PIEZO1: variants seen among roughly 807,000 people sequenced by gnomAD.
PIEZO1 encodes piezo-type mechanosensitive ion channel component 1.
Under a neutral mutation model 297.2 loss-of-function variants are expected in PIEZO1, and 296 were observed. That is an observed-to-expected ratio of 1.00 (90% confidence interval 0.91 to 1.10). The LOEUF is 1.10. Ranked by LOEUF, PIEZO1 falls within the 50% of genes least tolerant of loss-of-function variation. PIEZO1 has a pLI of 0.00. For synonymous variants in PIEZO1, 2,427 were observed against 1,507.5 expected (o/e 1.61, Z -14.13); for missense variants, 5,018 against 3,455.5 (o/e 1.45, Z -11.34).
chr16:88,756,218 G>A (rs866106166), intron 1 of PIEZO1, among the ~76,000 whole-genome samples: 3 of 152,176 alleles, frequency 2.0e-5, no homozygotes, highest in South Asian at 2.1e-4. Flanking sequence ...TGTGCAGGAC[G>A]CCCACACCCA....
rs545282831 is a variant in PIEZO1 at position 88,723,302 on chromosome 16, G to A, written c.4362C>T (p.Asn1454=). 2.7e-5 allele frequency: 42 copies of A among 1,539,526 alleles called. No individual in the cohort carries two copies. The highest frequency in any genetic ancestry group is 5.5e-5 in the African/African-American group (4 of 73,042). Residue 1454 remains asparagine, a synonymous_variant, in exon 32 of 51, where the codon AAC becomes AAT. Coordinates refer to ENST00000301015, the MANE Select transcript of PIEZO1 (RefSeq NM_001142864.4). The part of the protein sequence containing the change: ...FQLAYQAWVT[N]AQAVLRRRQQ... Reference sequence around the variant, plus strand: ...GCCGCCGCCTCAGCACCGCCTGGGCGTTGGTCACCCATGCCTGGTACGCCA... The same window carrying A: ...GCCGCCGCCTCAGCACCGCCTGGGCATTGGTCACCCATGCCTGGTACGCCA...
Position 88,734,529 on chromosome 16 carries a change from G to A in PIEZO1, c.2007C>T (p.Asp669=), listed in dbSNP as rs891274876. The A allele has an allele frequency of 3.9e-6, 6 of 1,543,306 alleles. No homozygotes were observed. The highest frequency in any genetic ancestry group is 5.2e-6 in the Non-Finnish European group (6 of 1,142,870). The change falls in exon 16 of 51, where the codon GAC becomes GAT. Residue 669 remains aspartate, a synonymous_variant. Coordinates refer to ENST00000301015, the MANE Select transcript of PIEZO1 (RefSeq NM_001142864.4). ...LTGFTDEQLG[D]LGLEQFSVSE... ...ACACGCTGAACTGCTCCAGGCCCAG[G>A]TCCCCCAGCCTGTGGAGGGGCAGCA...
In PIEZO1 at chr16:88,749,384, C is replaced by T. The variant is rs1906263049; in HGVS notation, c.160G>A (p.Gly54Ser). The T allele has an allele frequency of 6.7e-7, 1 of 1,497,822 alleles. No homozygotes were observed. The highest frequency in any genetic ancestry group is 8.8e-7 in the Non-Finnish European group (1 of 1,131,386). The allele number at this position is 1,497,822 out of a possible 1,614,324, so 92.8% of individuals were successfully genotyped here. The stretch of plus-strand genomic sequence containing the variant: ...CGTGGGCAGGGTCCCCTGGCCTTAC[C>T]TTGGAGGCCGCATCGGGTGGGGCCG... The part of the protein sequence containing the change: ...FPGPTRCGLQ[G>S]HTGRLLRALL... The change falls in exon 2 of 51, where the codon GGT becomes AGT. Residue 54 changes from glycine (G) to serine (S), a missense_variant and splice_region_variant. Coordinates refer to ENST00000301015, the MANE Select transcript of PIEZO1 (RefSeq NM_001142864.4).
chr16:88,763,540 G>C (rs944226011), intron 1 of PIEZO1, among the ~76,000 whole-genome samples: 8 of 152,188 alleles, frequency 5.3e-5, no homozygotes, highest in African/African-American at 7.2e-5. Flanking sequence ...AAACAGAACA[G>C]AACAGGAAGG....
intron 1 of PIEZO1, among the ~76,000 whole-genome samples, chr16:88,752,297 A>T (rs1446184751): frequency 6.6e-6 from 1 of 152,298 alleles, no homozygotes; most frequent in East Asian, 1.9e-4. Context: ...AGACCAGGCA[A>T]CACAGAGACC....
At position 88,715,655 on chromosome 16, in the gene PIEZO1, G is replaced by A. The variant is rs1264408308; in HGVS notation, c.7516C>T (p.Leu2506Phe). Residue 2506 changes from leucine (L) to phenylalanine (F), a missense_variant, in exon 51 of 51, where the codon CTC (leucine) becomes TTC (phenylalanine). Leu to Phe is a conservative substitution (Grantham distance 22). Coordinates refer to ENST00000301015, the MANE Select transcript of PIEZO1 (RefSeq NM_001142864.4). Reference protein sequence around the residue: ...EEELYAKLIFLYRSPETMIKW... With the variant: ...EEELYAKLIFFYRSPETMIKW... ...ATCATGGTCTCCGGTGAGCGGTAGA[G>A]GAAGATGAGCTTGGCGTACAACTCC... The A allele has an allele frequency of 6.5e-7, 1 of 1,550,320 alleles. No homozygotes were observed. The highest frequency in any genetic ancestry group is 8.7e-7 in the Non-Finnish European group (1 of 1,146,948).
chr16:88,750,205 G>A (rs571151445), intron 1 of PIEZO1, among the ~76,000 whole-genome samples: 20 of 152,012 alleles, frequency 1.3e-4, no homozygotes, highest in African/African-American at 4.1e-4. Context: ...GTGTGGTGGC[G>A]GGCACCTGTA....
intron 1 of PIEZO1, among the ~76,000 whole-genome samples, chr16:88,752,196 C>G (rs890074237): frequency 2.0e-5 from 3 of 152,224 alleles, no homozygotes; most frequent in Admixed American, 6.5e-5. Flanking sequence ...ACGTGACAAA[C>G]TTTAGGCCGG....
rs117858189 is a variant in PIEZO1 at position 88,759,028 on chromosome 16, C to A, written c.65-9549G>T. The stretch of plus-strand genomic sequence containing the variant: ...CCTGCAGAAGAGGTCCTTGGTCCCC[C>A]CTACCCACGGCATTTCCCTTTTTTA... On this transcript the variant is annotated intron_variant, in intron 1 of 50. Transcript: ENST00000301015. Among the ~76,000 whole-genome samples the A allele has an allele frequency of 6.0e-4, 91 of 152,338 alleles. No homozygotes were observed. The East Asian group carries it at 0.014, about 24-fold the overall frequency.
At chr16:88,729,557 G>A (rs1321720974) in intron 22 of PIEZO1, among the ~76,000 whole-genome samples, 1 of 131,100 alleles carries the variant, frequency 7.6e-6, no homozygotes, top group Non-Finnish European at 1.6e-5. Flanking sequence ...CTGCCACAGA[G>A]GGAACCTCGT....
chr16:88,763,117 C>T (rs1907005669), intron 1 of PIEZO1, among the ~76,000 whole-genome samples: 1 of 152,226 alleles, frequency 6.6e-6, no homozygotes, highest in African/African-American at 2.4e-5. Flanking sequence ...CGTTCCAGGT[C>T]ATGATTCAAG....
chr16:88,732,618 C>A lies in PIEZO1; in HGVS notation c.2779G>T (p.Gly927Cys), dbSNP rs929198330. ...GCCCTTCAACTCACCTGGATGTAGC[C>A]CAGGTTGGGGAACCCTTTCCGCACC... ...FGVRKGFPNL[G>C]YIQNHLQVLL... The change falls in exon 20 of 51, where the codon GGC becomes TGC. Residue 927 changes from glycine (G) to cysteine (C), a missense_variant. By Grantham distance (159) the Gly-to-Cys change is radical (BLOSUM62 -3). Transcript: ENST00000301015. 16 of 1,549,046 alleles carry A rather than the reference C, an allele frequency of 1.0e-5. No homozygotes were observed. In the African/African-American group the frequency reaches 1.2e-4, roughly 12 times the overall value.
At chr16:88,758,616 C>G (rs35785965) in intron 1 of PIEZO1, among the ~76,000 whole-genome samples, 1 of 152,240 alleles carries the variant, frequency 6.6e-6, no homozygotes. Context: ...CGGCACCCAC[C>G]TGCAGAGCAG....
intron 3 of PIEZO1, 43 bp from the exon 4 acceptor site, chr16:88,742,138 C>G: frequency 6.5e-7 from 1 of 1,533,644 alleles, no homozygotes; most frequent in East Asian, 2.4e-5. Flanking sequence ...CTCTGCCCAG[C>G]CAGCACCGTG....
At chr16:88,716,301 A>AGGCCT in intron 48 of PIEZO1, 24 bp from the exon 49 acceptor site, 1 of 1,491,040 alleles carries the variant, frequency 6.7e-7, no homozygotes, top group Non-Finnish European at 9.0e-7. Context: ...CTGGCAGGTC[A>AGGCCT]GGCCTGGCCC....
At chr16:88,774,295 G>C (rs190092326) in intron 1 of PIEZO1, among the ~76,000 whole-genome samples, 3 of 152,242 alleles carry the variant, frequency 2.0e-5, no homozygotes, top group Admixed American at 6.5e-5. Context: ...GGAGGCTGAG[G>C]CATGAGAATC....
At chr16:88,780,711 A>G (rs1032630099) in intron 1 of PIEZO1, among the ~76,000 whole-genome samples, 28 of 152,244 alleles carry the variant, frequency 1.8e-4, no homozygotes, top group African/African-American at 6.3e-4. Context: ...CTGTAACCCC[A>G]GCACTTTTGG....
At chr16:88,764,445 G>C (rs940538424) in intron 1 of PIEZO1, among the ~76,000 whole-genome samples, 1 of 152,232 alleles carries the variant, frequency 6.6e-6, no homozygotes, top group Admixed American at 6.5e-5. Context: ...TCCAGGCAGA[G>C]ATCACGCGTC....
At chr16:88,738,914 C>G (rs1250133831) in intron 5 of PIEZO1, 178 bp from the exon 6 acceptor site, 1 of 606,222 alleles carries the variant, frequency 1.6e-6, no homozygotes, top group Admixed American at 3.0e-5. Context: ...TGCCTGACAC[C>G]TTCCTACTTC....
Sources: gnomAD v4.1 joint callset for allele counts (sites outside exome capture counted in the v4.1 genomes callset) on GRCh38, gnomAD v4.1.1 for gene constraint, MANE v1.5 for transcripts, NCBI Gene and HGNC (gene_info 2026-07-23, HGNC 2026-07-21) for gene names.